WIPF2: variants seen among roughly 807,000 people sequenced by gnomAD.
WIPF2 encodes WAS/WASL-interacting protein family member 2.
A neutral mutation model predicts 38.8 loss-of-function variants in WIPF2; 23 were observed. The observed-to-expected ratio is 0.59, with a 90% CI of 0.43 to 0.84. The LOEUF (loss-of-function observed/expected upper bound fraction) is 0.84, where lower values mean the gene tolerates loss of function less well. Ranked by LOEUF, WIPF2 falls within the 40% of genes least tolerant of loss-of-function variation. WIPF2 has a pLI of 0.00. For missense variants in WIPF2, 574 were observed against 580.5 expected, an observed-to-expected ratio of 0.99 and a Z score of 0.11; for synonymous variants, 210 against 223.2, an observed-to-expected ratio of 0.94 and a Z score of 0.53.
Position 40,264,738 on chromosome 17 carries a change from G to T in WIPF2, c.562G>T (p.Ala188Ser). The change falls in exon 5 of 8, where the codon GCA (alanine) becomes TCA (serine). Residue 188 changes from alanine (A) to serine (S), a missense_variant. Physicochemically the swap from Ala to Ser is moderately conservative, Grantham distance 99. Coordinates refer to ENST00000323571, the MANE Select transcript of WIPF2 (RefSeq NM_133264.5). Reference protein sequence around the residue: ...PPPPPGRRANAPPTPLPMHSS... With the variant: ...PPPPPGRRANSPPTPLPMHSS... ...ACCACCCCCAGGGCGGCGTGCCAAC[G>T]CACCCCCCACACCTCTGCCTATGCA... 7.2e-7 allele frequency: 1 copy of T among 1,397,370 alleles called. No homozygotes were observed. The highest frequency in any genetic ancestry group is 9.5e-7 in the Non-Finnish European group (1 of 1,056,230). 86.6% of individuals were successfully genotyped at this position (1,397,370 alleles called of 1,614,324 possible).
At chr17:40,274,997 T>C (rs1375673831) in intron 6 of WIPF2, among the ~76,000 whole-genome samples, 1 of 150,570 alleles carries the variant, frequency 6.6e-6, no homozygotes, top group East Asian at 1.9e-4. Flanking sequence ...CGCAGTACTT[T>C]GGGAGGCCGA....
Position 40,264,518 on chromosome 17 carries a change from A to C in WIPF2, c.342A>C (p.Gln114His), listed in dbSNP as rs765650923. 1 of 1,614,006 alleles carries C rather than the reference A, an allele frequency of 6.2e-7. No homozygotes were observed. The highest frequency in any genetic ancestry group is 1.7e-5 in the Admixed American group (1 of 59,992). ...SENLAGKPAL[Q>H]IPSSRAAAPR... ...ACCTAGCTGGTAAGCCAGCCCTGCA[A>C]ATCCCCAGTTCTCGAGCTGCTGCCC... Residue 114 changes from glutamine to histidine, a missense_variant, in exon 5 of 8, where the codon CAA becomes CAC. By Grantham distance (24) the Gln-to-His change is conservative (BLOSUM62 0). Transcript: ENST00000323571.
At position 40,222,304 on chromosome 17, in the gene WIPF2, G is replaced by A. The variant is rs1038391354; in HGVS notation, c.-70+2812G>A. 1.3e-4 allele frequency among the ~76,000 whole-genome samples: 19 copies of A among 151,696 alleles called. 1 individual carries two copies. The highest frequency in any genetic ancestry group is 4.6e-4 in the African/African-American group (19 of 41,484). On this transcript the variant is annotated intron_variant, in intron 1 of 7. Coordinates refer to ENST00000323571, the MANE Select transcript of WIPF2 (RefSeq NM_133264.5). ...CCTGACCTCGTGATCTGCCCACCTTGGCCTCCCAAAGTGCTGGGATTACAG... is the reference window on the plus strand; with the variant it reads ...CCTGACCTCGTGATCTGCCCACCTTAGCCTCCCAAAGTGCTGGGATTACAG...
At chr17:40,242,420 G>T (rs2031221627) in intron 1 of WIPF2, among the ~76,000 whole-genome samples, 1 of 151,918 alleles carries the variant, frequency 6.6e-6, no homozygotes, top group East Asian at 1.9e-4. Context: ...TGTTGTTGTT[G>T]GTTTGTTTTT....
intron 1 of WIPF2, among the ~76,000 whole-genome samples, chr17:40,251,612 G>A (rs118101047): frequency 0.015 from 2,312 of 152,276 alleles, 23 homozygotes; most frequent in Non-Finnish European, 0.024. Context: ...TAATTTCCAG[G>A]GGAGTTTTTT....
chr17:40,265,072 C>A lies in WIPF2; in HGVS notation c.896C>A (p.Pro299His), dbSNP rs755689569. 6.2e-7 allele frequency: 1 copy of A among 1,613,840 alleles called. No individual in the cohort carries two copies. The highest frequency in any genetic ancestry group is 1.3e-5 in the African/African-American group (1 of 74,922). The change falls in exon 5 of 8, where the codon CCC becomes CAC. Residue 299 changes from proline to histidine, a missense_variant. Transcript: ENST00000323571. The part of the protein sequence containing the change: ...GPVRGLAPPP[P>H]TSASPSLLSN... ...GTCAGAGGCCTAGCACCTCCTCCAC[C>A]CACCTCGGCCTCCCCATCTTTACTG...
chr17:40,248,778 G>A (rs1220571281), intron 1 of WIPF2, among the ~76,000 whole-genome samples: 1 of 152,208 alleles, frequency 6.6e-6, no homozygotes, highest in Non-Finnish European at 1.5e-5. Flanking sequence ...AGTCAAAGCT[G>A]TTGTGGTTTT....
chr17:40,260,448 A>C (rs1309201947), intron 2 of WIPF2, 87 bp from the exon 3 acceptor site: 3 of 1,522,034 alleles, frequency 2.0e-6, no homozygotes, highest in Non-Finnish European at 2.7e-6. Flanking sequence ...TGGCCTCCCA[A>C]AGTGTTGGGA....
chr17:40,229,484 A>G (rs2030652554), intron 1 of WIPF2, among the ~76,000 whole-genome samples: 2 of 151,906 alleles, frequency 1.3e-5, no homozygotes, highest in East Asian at 1.9e-4. Flanking sequence ...GTGCAGTGGC[A>G]TGATCTTGGC....
chr17:40,256,414 A>G lies in WIPF2; in HGVS notation c.-46A>G. ...AGGTATATGAATGACCTAAAGGTACAAATAAAGACGGAGAGAGAACAGTGC... is the reference window on the plus strand; with the variant it reads ...AGGTATATGAATGACCTAAAGGTACGAATAAAGACGGAGAGAGAACAGTGC... On this transcript the variant is annotated 5_prime_UTR_variant, in exon 2 of 8. Transcript: ENST00000323571. The G allele has an allele frequency of 1.9e-6, 3 of 1,587,786 alleles. No individual in the cohort carries two copies. The highest frequency in any genetic ancestry group is 2.6e-6 in the Non-Finnish European group (3 of 1,171,716).
At chr17:40,250,082 T>C (rs1351377256) in intron 1 of WIPF2, among the ~76,000 whole-genome samples, 2 of 151,868 alleles carry the variant, frequency 1.3e-5, no homozygotes, top group African/African-American at 4.8e-5. Flanking sequence ...TCTGCCCGCC[T>C]CAGCCCCCCA....
intron 1 of WIPF2, among the ~76,000 whole-genome samples, chr17:40,224,466 T>C (rs2030397208): frequency 6.7e-6 from 1 of 149,534 alleles, no homozygotes; most frequent in Admixed American, 6.7e-5. Context: ...CGAGGATGTC[T>C]TGATCTCCTG....
At chr17:40,269,191 G>A (rs940249081) in intron 5 of WIPF2, among the ~76,000 whole-genome samples, 12 of 152,162 alleles carry the variant, frequency 7.9e-5, no homozygotes, top group African/African-American at 1.9e-4. Flanking sequence ...ATGATGGCGG[G>A]TGCCTGTAAT....
Position 40,245,465 on chromosome 17 carries a change from C to T in WIPF2, c.-69-10926C>T, listed in dbSNP as rs549210082. Among the ~76,000 whole-genome samples the T allele has an allele frequency of 1.4e-3, 210 of 152,070 alleles. 1 individual carries two copies. Among genetic ancestry groups the T allele is most frequent in the African/African-American group, 4.8e-3 (201 of 41,486 alleles). On this transcript the variant is annotated intron_variant, in intron 1 of 7. Coordinates refer to ENST00000323571, the MANE Select transcript of WIPF2 (RefSeq NM_133264.5). ...TCAAGTGATTCTCCTGCCTCAGCCT[C>T]CTGAGTAGCTGGGATTACAGGCGCC...
chr17:40,281,246 C>G lies in WIPF2; in HGVS notation c.*3021C>G, dbSNP rs1343646400. Reference sequence around the variant, plus strand: ...AAGCATCAGGAAGCTGTGTTAAAAGCCCTTCTATGGGTTTGGTTTTGTGAT... The same window carrying G: ...AAGCATCAGGAAGCTGTGTTAAAAGGCCTTCTATGGGTTTGGTTTTGTGAT... On this transcript the variant is annotated 3_prime_UTR_variant, in exon 8 of 8. Coordinates refer to ENST00000323571, the MANE Select transcript of WIPF2 (RefSeq NM_133264.5). 1.3e-5 allele frequency: 2 copies of G among 152,110 alleles called. No homozygotes were observed. Among genetic ancestry groups the G allele is most frequent in the Non-Finnish European group, 2.9e-5 (2 of 68,026 alleles). The allele number at this position is 152,110 out of a possible 1,614,324, so 9.4% of individuals were successfully genotyped here. A position where few individuals can be genotyped will look rare whatever the true frequency, so the allele number is the denominator to read the frequency against.
In WIPF2 at chr17:40,280,384, G is replaced by C. The variant is rs555497615; in HGVS notation, c.*2159G>C. ...CTGGGGAGGCTGAGGCAGGAGAATC[G>C]CTTGAATCCAGGAGGTGGAGGTTGC... On this transcript the variant is annotated 3_prime_UTR_variant, in exon 8 of 8. Coordinates refer to ENST00000323571, the MANE Select transcript of WIPF2 (RefSeq NM_133264.5). 3.9e-5 allele frequency: 6 copies of C among 152,444 alleles called. 1 individual carries two copies. Among genetic ancestry groups the C allele is most frequent in the African/African-American group, 1.4e-4 (6 of 41,444 alleles). The allele number at this position is 152,444 out of a possible 1,614,324, so 9.4% of individuals were successfully genotyped here.
chr17:40,231,127 G>A (rs909408680), intron 1 of WIPF2, among the ~76,000 whole-genome samples: 5 of 152,152 alleles, frequency 3.3e-5, no homozygotes, highest in African/African-American at 1.2e-4. Flanking sequence ...GGACGGAAAT[G>A]TGCAAATTTT....
At chr17:40,244,282 TGCC>T (rs2031286768) in intron 1 of WIPF2, among the ~76,000 whole-genome samples, 1 of 152,188 alleles carries the variant, frequency 6.6e-6, no homozygotes, top group East Asian at 1.9e-4. Context: ...GTTTGGTTCC[TGCC>T]GTTGTTGGCT....
chr17:40,228,518 T>C (rs2030596999), intron 1 of WIPF2, among the ~76,000 whole-genome samples: 1 of 152,202 alleles, frequency 6.6e-6, no homozygotes, highest in Non-Finnish European at 1.5e-5. Flanking sequence ...AAGCTGATTT[T>C]TTTTGATGTT....
Sources: allele counts gnomAD v4.1 joint callset (sites outside exome capture counted in the v4.1 genomes callset), GRCh38; gene constraint gnomAD v4.1.1; transcripts MANE v1.5; gene names NCBI Gene and HGNC (gene_info 2026-07-23, HGNC 2026-07-21).